The following LDLRAD3 variants were observed in gnomAD, a reference collection of about 807,000 sequenced individuals.
The protein encoded by LDLRAD3 is low density lipoprotein receptor class A domain containing 3.
A neutral mutation model predicts 29.4 loss-of-function variants in LDLRAD3; 20 were observed. That is an observed-to-expected ratio of 0.68 (90% confidence interval 0.48 to 0.99). The LOEUF (loss-of-function observed/expected upper bound fraction) is 0.99, where lower values mean the gene tolerates loss of function less well. Among genes scored for constraint, LDLRAD3 ranks in the 50% least tolerant of loss-of-function variants. The pLI is 0.00. For synonymous variants in LDLRAD3, 157 were observed against 192.7 expected (o/e 0.81, Z 1.53); for missense variants, 420 against 454.3 (o/e 0.92, Z 0.69).
At chr11:36,200,927 A>G (rs11033492) in intron 4 of LDLRAD3, among the ~76,000 whole-genome samples, 44,295 of 152,146 alleles carry the variant, frequency 0.29, 6,519 homozygotes, top group African/African-American at 0.34. Flanking sequence ...TCCTGGTCCC[A>G]CGCAGAAGGG....
At chr11:36,116,454 A>G (rs890801213) in intron 4 of LDLRAD3, among the ~76,000 whole-genome samples, 3 of 152,072 alleles carry the variant, frequency 2.0e-5, no homozygotes, top group Non-Finnish European at 4.4e-5. Flanking sequence ...GGATGCTCAT[A>G]AGGCGCTTCT....
chr11:36,115,064 C>T (rs1477763263), intron 4 of LDLRAD3, among the ~76,000 whole-genome samples: 3 of 152,186 alleles, frequency 2.0e-5, no homozygotes, highest in Non-Finnish European at 2.9e-5. Context: ...GCTTCAGCCA[C>T]CATGTGAATG....
chr11:35,968,992 T>C (rs959575984), intron 1 of LDLRAD3, among the ~76,000 whole-genome samples: 2 of 152,168 alleles, frequency 1.3e-5, no homozygotes, highest in African/African-American at 4.8e-5. Context: ...TAAGTGCATA[T>C]GGTGTGCGTA....
At chr11:36,060,705 A>G (rs1852685918) in intron 2 of LDLRAD3, among the ~76,000 whole-genome samples, 2 of 152,166 alleles carry the variant, frequency 1.3e-5, no homozygotes, top group South Asian at 4.1e-4. Flanking sequence ...TGTTCTGGAT[A>G]CTTCTCTCCA....
Position 36,107,875 on chromosome 11 carries a change from G to C in LDLRAD3, c.454+9414G>C, listed in dbSNP as rs143862234. Among the ~76,000 whole-genome samples the C allele has an allele frequency of 5.1e-4, 77 of 152,294 alleles. 1 individual carries two copies. The Middle Eastern group carries it at 0.01, about 20-fold the overall frequency. On this transcript the variant is annotated intron_variant, in intron 4 of 5. Coordinates refer to ENST00000315571, the MANE Select transcript of LDLRAD3 (RefSeq NM_174902.4). ...ATTTTTGATTGCTACTGTGTGCCAG[G>C]CATTATGCCCAGGAGACAAAGGCAC...
At chr11:36,060,247 G>A (rs768968600) in intron 2 of LDLRAD3, among the ~76,000 whole-genome samples, 13 of 151,918 alleles carry the variant, frequency 8.6e-5, no homozygotes, top group African/African-American at 2.2e-4. Context: ...CCAGCTACTC[G>A]GGAGGCTGAG....
chr11:36,178,105 C>T (rs2133354675), intron 4 of LDLRAD3, among the ~76,000 whole-genome samples: 1 of 152,220 alleles, frequency 6.6e-6, no homozygotes, highest in South Asian at 2.1e-4. Context: ...GCTGTTCTGT[C>T]CTTCTGAGTG....
intron 1 of LDLRAD3, among the ~76,000 whole-genome samples, chr11:36,032,548 T>C (rs1590216583): frequency 1.3e-5 from 2 of 152,208 alleles, no homozygotes; most frequent in African/African-American, 2.4e-5. Context: ...CTCAGCACTA[T>C]TGACATTTTC....
intron 2 of LDLRAD3, among the ~76,000 whole-genome samples, chr11:36,073,666 A>G (rs1470203519): frequency 6.6e-6 from 1 of 152,284 alleles, no homozygotes; most frequent in Non-Finnish European, 1.5e-5. Context: ...AATGTAAATC[A>G]TAACAGGACA....
At chr11:36,158,862 G>A (rs370270239) in intron 4 of LDLRAD3, among the ~76,000 whole-genome samples, 18 of 152,050 alleles carry the variant, frequency 1.2e-4, no homozygotes, top group Admixed American at 2.6e-4. Context: ...CCATGTATAC[G>A]TTGTGTAATG....
chr11:36,184,003 G>A (rs1393210072), intron 4 of LDLRAD3: 1 of 192,306 alleles, frequency 5.2e-6, no homozygotes, highest in Admixed American at 8.7e-5. Context: ...TTTCGCTCTT[G>A]TTGCCCAGCC....
intron 4 of LDLRAD3, among the ~76,000 whole-genome samples, chr11:36,106,671 T>G (rs1251734843): frequency 6.6e-6 from 1 of 152,176 alleles, no homozygotes; most frequent in Non-Finnish European, 1.5e-5. Context: ...TTGTATATAG[T>G]TCATCGAGGG....
chr11:36,188,371 CAAAAAAAAAAAAAAAA>C (rs57049829), intron 4 of LDLRAD3, among the ~76,000 whole-genome samples: 3 of 62,042 alleles, frequency 4.8e-5, no homozygotes, highest in African/African-American at 1.7e-4. Flanking sequence ...GGAAAACCAG[CAAAAAAAAAAAAAAAA>C]AAAAAAAAAA....
chr11:36,129,899 C>T (rs1187046210), intron 4 of LDLRAD3, among the ~76,000 whole-genome samples: 1 of 152,182 alleles, frequency 6.6e-6, no homozygotes, highest in Non-Finnish European at 1.5e-5. Context: ...ACTGGGTGTA[C>T]ACTGTCCTTA....
intron 1 of LDLRAD3, among the ~76,000 whole-genome samples, chr11:36,030,652 G>A (rs2133205617): frequency 6.6e-6 from 1 of 152,330 alleles, no homozygotes; most frequent in Admixed American, 6.5e-5. Flanking sequence ...CTGTACCTAT[G>A]TATGGGTGTC....
At chr11:36,015,471 T>A (rs1279720161) in intron 1 of LDLRAD3, among the ~76,000 whole-genome samples, 1 of 152,178 alleles carries the variant, frequency 6.6e-6, no homozygotes, top group South Asian at 2.1e-4. Context: ...CAAAAACATG[T>A]TTTTTACTTT....
chr11:35,976,807 T>C (rs1012052202), intron 1 of LDLRAD3, among the ~76,000 whole-genome samples: 1 of 152,182 alleles, frequency 6.6e-6, no homozygotes, highest in Non-Finnish European at 1.5e-5. Flanking sequence ...AGTTGAATTT[T>C]ATTATATCGC....
At chr11:35,986,674 G>A (rs1340157490) in intron 1 of LDLRAD3, among the ~76,000 whole-genome samples, 1 of 152,216 alleles carries the variant, frequency 6.6e-6, no homozygotes, top group East Asian at 1.9e-4. Context: ...AGAAGAGATT[G>A]CAGGACCTGT....
rs560827379 is a variant in LDLRAD3, at chr11:36,047,774, A to G, written c.193+11525A>G. Among the ~76,000 whole-genome samples, 139 of 152,228 alleles carry G rather than the reference A, an allele frequency of 9.1e-4. 1 individual carries two copies. Among genetic ancestry groups the G allele is most frequent in the Non-Finnish European group, 1.3e-3 (87 of 68,020 alleles). On this transcript the variant is annotated intron_variant, in intron 2 of 5. Transcript: ENST00000315571. ...TGGCCTCAGTTTCCTCATCATCCCC[A>G]TGGCATTTTTGTGAGAATTAAATGA...
Sources: allele counts gnomAD v4.1 joint callset (sites outside exome capture counted in the v4.1 genomes callset), GRCh38; gene constraint gnomAD v4.1.1; transcripts MANE v1.5; gene names NCBI Gene and HGNC (gene_info 2026-07-23, HGNC 2026-07-21).